The following NMD3 variants were observed in gnomAD, a reference collection of about 807,000 sequenced individuals.
NMD3 encodes NMD3 ribosome export adaptor, also known as 60S ribosomal export protein NMD3.
NMD3 carries 47 observed loss-of-function variants against 73.1 expected under a neutral mutation model. That is an observed-to-expected ratio of 0.64 (90% confidence interval 0.51 to 0.82). The LOEUF (loss-of-function observed/expected upper bound fraction) is 0.82, where lower values mean the gene tolerates loss of function less well. NMD3 is among the 40% of genes least tolerant of loss of function. NMD3 has a pLI of 0.00. For missense variants in NMD3, 554 were observed against 612.5 expected, an observed-to-expected ratio of 0.90 and a Z score of 1.01; for synonymous variants, 210 against 194.5, an observed-to-expected ratio of 1.08 and a Z score of -0.66.
chr3:161,223,380 T>C (rs1381378328), intron 2 of NMD3, among the ~76,000 whole-genome samples: 4 of 152,182 alleles, frequency 2.6e-5, no homozygotes, highest in African/African-American at 9.6e-5. Context: ...CCAGTACATC[T>C]CGAATTATGA....
intron 11 of NMD3, among the ~76,000 whole-genome samples, chr3:161,245,178 T>G (rs1004254111): frequency 2.3e-4 from 35 of 151,908 alleles, no homozygotes; most frequent in African/African-American, 8.0e-4. Flanking sequence ...TAATAATGCT[T>G]CTTGAGACAA....
intron 15 of NMD3, 81 bp from the exon 16 acceptor site, chr3:161,250,699 T>C: frequency 1.2e-6 from 1 of 823,998 alleles, no homozygotes; most frequent in South Asian, 2.1e-5. Context: ...AGGTAGATAT[T>C]TGTATATTTT....
intron 2 of NMD3, chr3:161,222,848 A>T (rs1199030703): frequency 6.6e-6 from 1 of 152,258 alleles, no homozygotes; most frequent in Non-Finnish European, 1.5e-5. Context: ...AAAAATAGGA[A>T]TTCAGTGGTT....
chr3:161,232,895 A>G (rs1736595717), intron 4 of NMD3, among the ~76,000 whole-genome samples: 1 of 151,948 alleles, frequency 6.6e-6, no homozygotes, highest in Admixed American at 6.6e-5. Context: ...GTTTTGGCCT[A>G]TGCAGATGCT....
At chr3:161,235,652 T>G (rs76080124) in intron 7 of NMD3, among the ~76,000 whole-genome samples, 59 of 152,278 alleles carry the variant, frequency 3.9e-4, no homozygotes, top group Non-Finnish European at 8.1e-4. Context: ...AGAAGTTTTT[T>G]AAGAACTTGC....
At chr3:161,234,892 A>AT (rs778002022) in intron 6 of NMD3, 37 bp downstream of exon 6, 1 of 1,599,162 alleles carries the variant, frequency 6.3e-7, no homozygotes, top group South Asian at 1.1e-5. Context: ...CCTACATCTT[A>AT]TATTTCGTCT....
At chr3:161,228,953 C>G (rs187616108) in intron 4 of NMD3, among the ~76,000 whole-genome samples, 1 of 152,104 alleles carries the variant, frequency 6.6e-6, no homozygotes, top group Non-Finnish European at 1.5e-5. Context: ...GGGGAGGGCT[C>G]ACTGATAGGG....
At chr3:161,231,552 C>T (rs1354341646) in intron 4 of NMD3, among the ~76,000 whole-genome samples, 1 of 152,030 alleles carries the variant, frequency 6.6e-6, no homozygotes, top group Non-Finnish European at 1.5e-5. Flanking sequence ...ACAAGTGATA[C>T]AAAGATGAAT....
chr3:161,243,270 A>G (rs1576855783), intron 11 of NMD3, among the ~76,000 whole-genome samples: 1 of 152,182 alleles, frequency 6.6e-6, no homozygotes, highest in African/African-American at 2.4e-5. Flanking sequence ...AATAAAATAG[A>G]CCAATTATAA....
At chr3:161,237,977 C>A in intron 7 of NMD3, 136 bp from the exon 8 acceptor site, 1 of 548,016 alleles carries the variant, frequency 1.8e-6, no homozygotes, top group Non-Finnish European at 3.1e-6. Flanking sequence ...TATCTCTAAT[C>A]TGTTGTGACT....
intron 4 of NMD3, among the ~76,000 whole-genome samples, chr3:161,228,788 A>G (rs1225802916): frequency 6.6e-6 from 1 of 152,196 alleles, no homozygotes; most frequent in Non-Finnish European, 1.5e-5. Context: ...ATTGCACACT[A>G]ACATGCCAGT....
chr3:161,242,662 C>T lies in NMD3; in HGVS notation c.1017+9C>T. 1 of 1,605,104 alleles carries T rather than the reference C, an allele frequency of 6.2e-7. No homozygotes were observed. Among genetic ancestry groups the T allele is most frequent in the Non-Finnish European group, 8.5e-7 (1 of 1,175,168 alleles). On this transcript the variant is annotated intron_variant, in intron 11 of 15. Transcript: ENST00000351193. Reference sequence around the variant, plus strand: ...GAATGATATCAAAAAAGGTAAGCTACATCCTGCCTGCCAGTGTATTTTTTT... The same window carrying T: ...GAATGATATCAAAAAAGGTAAGCTATATCCTGCCTGCCAGTGTATTTTTTT...
chr3:161,233,736 C>G (rs1228124345), intron 5 of NMD3, among the ~76,000 whole-genome samples: 1 of 151,682 alleles, frequency 6.6e-6, no homozygotes, highest in African/African-American at 2.4e-5. Flanking sequence ...GTCTAAGGTA[C>G]TGATCCTCAA....
chr3:161,227,437 ATTT>A (rs55825529), intron 4 of NMD3, 94 bp downstream of exon 4: 4,314 of 355,198 alleles, frequency 0.012, no homozygotes, highest in Non-Finnish European at 0.013. Context: ...TTCAAAAGGA[ATTT>A]TTTTTTTTTT....
intron 2 of NMD3, among the ~76,000 whole-genome samples, chr3:161,224,481 T>G (rs1438573571): frequency 6.6e-6 from 1 of 152,090 alleles, no homozygotes; most frequent in Non-Finnish European, 1.5e-5. Flanking sequence ...TGAAGATTGC[T>G]TTGTTTCTTT....
At chr3:161,223,990 A>C (rs1278915309) in intron 2 of NMD3, among the ~76,000 whole-genome samples, 1 of 152,220 alleles carries the variant, frequency 6.6e-6, no homozygotes, top group Admixed American at 6.5e-5. Flanking sequence ...GGAAGGATAT[A>C]TACAAATTAT....
chr3:161,247,785 G>T (rs1480498381), intron 13 of NMD3, among the ~76,000 whole-genome samples: 2 of 107,904 alleles, frequency 1.9e-5, no homozygotes, highest in Admixed American at 9.5e-5. Context: ...ACAAAACTCA[G>T]TCTCAAAAAA....
In NMD3 at chr3:161,238,179, C is replaced by T. The variant is rs750883347; in HGVS notation, c.644C>T (p.Thr215Ile). 1 of 1,600,006 alleles carries T rather than the reference C, an allele frequency of 6.2e-7. No homozygotes were observed. Among genetic ancestry groups the T allele is most frequent in the South Asian group, 1.1e-5 (1 of 89,414 alleles). ...AQKMVEFLQCTVPCRYKASQR... is the reference protein window; with the variant it reads ...AQKMVEFLQCIVPCRYKASQR... ...AAGATGGTCGAATTTCTTCAGTGTA[C>T]AGTTCCCTGTAGGTATGTTCTGAAC... Residue 215 changes from threonine to isoleucine, a missense_variant, in exon 8 of 16, where the codon ACA becomes ATA. By Grantham distance (89) the Thr-to-Ile change is moderately conservative (BLOSUM62 -1). Coordinates refer to ENST00000351193, the MANE Select transcript of NMD3 (RefSeq NM_015938.5).
At chr3:161,225,230 T>G (rs1736269606) in intron 3 of NMD3, among the ~76,000 whole-genome samples, 166 bp downstream of exon 3, 1 of 152,192 alleles carries the variant, frequency 6.6e-6, no homozygotes, top group Admixed American at 6.5e-5. Flanking sequence ...AATTTTATAG[T>G]GTACTTTTCT....
Sources: allele counts gnomAD v4.1 joint callset (sites outside exome capture counted in the v4.1 genomes callset), GRCh38; gene constraint gnomAD v4.1.1; transcripts MANE v1.5; gene names NCBI Gene and HGNC (gene_info 2026-07-23, HGNC 2026-07-21).